Variants in ANKRD26 observed in about 807,000 individuals in gnomAD.
The protein encoded by ANKRD26 is ankyrin repeat domain 26, also known as ankyrin repeat domain-containing protein 26.
A neutral mutation model predicts 208.7 loss-of-function variants in ANKRD26; 141 were observed. That is an observed-to-expected ratio of 0.68 (90% confidence interval 0.59 to 0.78). The LOEUF is 0.78. ANKRD26 is among the 30% of genes least tolerant of loss of function. ANKRD26 has a pLI of 0.00. For missense variants in ANKRD26, 1,889 were observed against 1,938.7 expected (o/e 0.97, Z 0.48); for synonymous variants, 636 against 660.4 (o/e 0.96, Z 0.57).
chr10:27,038,963 T>G (rs975812228), intron 21 of ANKRD26, among the ~76,000 whole-genome samples: 1 of 152,204 alleles, frequency 6.6e-6, no homozygotes, highest in African/African-American at 2.4e-5. Flanking sequence ...CCTTCTTGAT[T>G]ATTACATATT....
chr10:27,081,442 T>C (rs1033680271), intron 6 of ANKRD26, among the ~76,000 whole-genome samples: 1 of 152,160 alleles, frequency 6.6e-6, no homozygotes, highest in Admixed American at 6.5e-5. Context: ...TGTAGGATGA[T>C]AAAGAAGGAA....
At position 27,030,573 on chromosome 10, in the gene ANKRD26, G is replaced by A. The variant is rs573068021; in HGVS notation, c.3808-1217C>T. On this transcript the variant is annotated intron_variant, in intron 25 of 33. Coordinates refer to ENST00000376087, the MANE Select transcript of ANKRD26 (RefSeq NM_014915.3). ...GCTGGAGCTCTTTGGGTGGGAAAGC[G>A]GTATGAATCTACGGATCCCAGCTCT... is the stretch of plus-strand genomic sequence containing the variant. 147 of 985,256 alleles carry A rather than the reference G, an allele frequency of 1.5e-4. No homozygotes were observed. In the African/African-American group the frequency reaches 2.3e-3, roughly 15 times the overall value. 61.0% of individuals were successfully genotyped at this position (985,256 alleles called of 1,614,324 possible). A position where few individuals can be genotyped will look rare whatever the true frequency, so the allele number is the denominator to read the frequency against.
At chr10:26,968,835 T>A (rs1418281880), downstream of ANKRD26, among the ~76,000 whole-genome samples, 1 of 152,196 alleles carries the variant, frequency 6.6e-6, no homozygotes, top group African/African-American at 2.4e-5. Flanking sequence ...TAATACATTA[T>A]TACTTTTATT....
intron 1 of ANKRD26, among the ~76,000 whole-genome samples, chr10:27,098,740 G>A (rs905028294): frequency 1.3e-5 from 2 of 151,874 alleles, no homozygotes; most frequent in African/African-American, 4.8e-5. Context: ...TAGTAGAAAC[G>A]GGGTTTCACT....
chr10:27,019,551 T>C (rs1031850455), intron 29 of ANKRD26, among the ~76,000 whole-genome samples: 2 of 152,138 alleles, frequency 1.3e-5, no homozygotes, highest in African/African-American at 2.4e-5. Flanking sequence ...TAGATAGAGT[T>C]GCTTATATTT....
downstream of ANKRD26, among the ~76,000 whole-genome samples, chr10:26,987,253 G>A (rs899706808): frequency 1.3e-5 from 2 of 152,084 alleles, no homozygotes; most frequent in African/African-American, 4.8e-5. Context: ...ACACAGGAAG[G>A]GGAACATCAC....
intron 6 of ANKRD26, among the ~76,000 whole-genome samples, chr10:27,081,512 T>C (rs371573580): frequency 2.0e-5 from 3 of 152,136 alleles, no homozygotes; most frequent in Non-Finnish European, 4.4e-5. Context: ...CTTAATCTCT[T>C]TGAGTTTCAG....
At chr10:27,022,428 A>C (rs528325559) in intron 29 of ANKRD26, 130 bp downstream of exon 29, 1 of 686,420 alleles carries the variant, frequency 1.5e-6, no homozygotes, top group East Asian at 3.4e-5. Flanking sequence ...GTTTAAAAAA[A>C]GTTTTTTTAT....
downstream of ANKRD26, among the ~76,000 whole-genome samples, chr10:26,973,466 T>C (rs2052178530): frequency 6.6e-6 from 1 of 151,788 alleles, no homozygotes; most frequent in South Asian, 2.1e-4. Context: ...CTTTTTTTTT[T>C]TACTTTTAAT....
At chr10:26,991,747 G>A (rs981908955), downstream of ANKRD26, among the ~76,000 whole-genome samples, 4 of 152,110 alleles carry the variant, frequency 2.6e-5, no homozygotes, top group Non-Finnish European at 4.4e-5. Context: ...TTTTTAAAAC[G>A]TGTCTCAGTA....
At chr10:27,012,649 C>A (rs1385362394) in intron 32 of ANKRD26, among the ~76,000 whole-genome samples, 3 of 151,956 alleles carry the variant, frequency 2.0e-5, no homozygotes, top group Admixed American at 6.6e-5. Context: ...CCAGTCTCTA[C>A]TAGAAATATA....
downstream of ANKRD26, among the ~76,000 whole-genome samples, chr10:27,003,304 T>C (rs1424123452): frequency 1.3e-5 from 2 of 152,168 alleles, no homozygotes; most frequent in Non-Finnish European, 2.9e-5. Flanking sequence ...CCAGGGGGCA[T>C]CTGAACACCA....
chr10:27,086,778 T>G (rs1055395782), intron 4 of ANKRD26, among the ~76,000 whole-genome samples, 169 bp from the exon 5 acceptor site: 76 of 143,272 alleles, frequency 5.3e-4, no homozygotes, highest in Non-Finnish European at 9.9e-4. Flanking sequence ...GTTTTTTTTT[T>G]TTTTTTTTTT....
At chr10:27,060,918 G>C (rs113643367) in intron 13 of ANKRD26, among the ~76,000 whole-genome samples, 6 of 152,132 alleles carry the variant, frequency 3.9e-5, no homozygotes, top group Admixed American at 3.3e-4. Flanking sequence ...GGTAAAATGC[G>C]ACAGCATATC....
At chr10:27,076,401 T>C (rs547329341) in intron 9 of ANKRD26, among the ~76,000 whole-genome samples, 19 of 152,172 alleles carry the variant, frequency 1.2e-4, no homozygotes, top group African/African-American at 4.6e-4. Flanking sequence ...TAGCTGGGAT[T>C]ACAGGCACCC....
intron 15 of ANKRD26, among the ~76,000 whole-genome samples, chr10:27,058,865 C>T (rs530686946): frequency 2.9e-4 from 44 of 151,930 alleles, no homozygotes; most frequent in Admixed American, 2.8e-3. Context: ...CGTGAGGCAC[C>T]GCGCCCAGCC....
intron 25 of ANKRD26, among the ~76,000 whole-genome samples, chr10:27,032,825 C>A (rs547946987): frequency 8.2e-4 from 112 of 137,120 alleles, no homozygotes; most frequent in African/African-American, 2.7e-3. Context: ...AAAAAAAAAA[C>A]AAATAAATAA....
intron 4 of ANKRD26, among the ~76,000 whole-genome samples, chr10:26,996,578 C>T (rs1354798454): frequency 6.6e-6 from 1 of 152,122 alleles, no homozygotes; most frequent in African/African-American, 2.4e-5. Flanking sequence ...AGTCTTCATT[C>T]TCTACCATTT....
chr10:27,038,192 C>T, intron 21 of ANKRD26, 138 bp from the exon 22 acceptor site: 1 of 743,564 alleles, frequency 1.3e-6, no homozygotes, highest in Non-Finnish European at 2.1e-6. Flanking sequence ...TTCTAGTTCT[C>T]TGATTTTTAA....
Sources: gnomAD v4.1 joint callset for allele counts (sites outside exome capture counted in the v4.1 genomes callset) on GRCh38, gnomAD v4.1.1 for gene constraint, MANE v1.5 for transcripts, NCBI Gene and HGNC (gene_info 2026-07-23, HGNC 2026-07-21) for gene names.